Variants in PGAP3 observed in about 807,000 individuals in gnomAD.
The protein encoded by PGAP3 is post-GPI attachment to proteins phospholipase 3, also known as GPI-specific phospholipase A2-like PGAP3.
PGAP3 carries 31 observed loss-of-function variants against 40.3 expected under a neutral mutation model. The observed-to-expected ratio is 0.77, with a 90% CI of 0.58 to 1.04. PGAP3 has a LOEUF of 1.04. Among genes scored for constraint, PGAP3 ranks in the 50% least tolerant of loss-of-function variants. The pLI is 0.00. For missense variants in PGAP3, 413 were observed against 423.0 expected, an observed-to-expected ratio of 0.98 and a Z score of 0.21; for synonymous variants, 191 against 184.5, an observed-to-expected ratio of 1.04 and a Z score of -0.29.
At chr17:39,675,128 TGGGGTGTGTTCCAAGCAGCA>T in intron 3 of PGAP3, among the ~76,000 whole-genome samples, 1 of 149,978 alleles carries the variant, frequency 6.7e-6, no homozygotes, top group East Asian at 2.0e-4. Flanking sequence ...CGAGCCAGCT[TGGGGTGTGTTCCAAGCAGCA>T]GGGGAGGGAG....
intron 3 of PGAP3, among the ~76,000 whole-genome samples, chr17:39,679,793 C>T (rs2057417573): frequency 6.6e-6 from 1 of 152,210 alleles, no homozygotes; most frequent in Non-Finnish European, 1.5e-5. Flanking sequence ...TACTCTTCTA[C>T]TCCTATTCAC....
At chr17:39,687,213 T>C (rs1191641539) in intron 1 of PGAP3, among the ~76,000 whole-genome samples, 3 of 152,226 alleles carry the variant, frequency 2.0e-5, no homozygotes, top group East Asian at 1.9e-4. Context: ...CTGTGTGACC[T>C]TGGGCAGGGC....
chr17:39,684,595 A>G lies in PGAP3; in HGVS notation c.432+2T>C. The G allele has an allele frequency of 6.2e-7, 1 of 1,608,666 alleles. No individual in the cohort carries two copies. Among genetic ancestry groups the G allele is most frequent in the Non-Finnish European group, 8.5e-7 (1 of 1,177,554 alleles). Reference sequence around the variant, plus strand: ...CAGCAGGAGTCCTGCTAGGTTACCTACCCAGGCGAAGGCCACACAGGTGTG... The same window carrying G: ...CAGCAGGAGTCCTGCTAGGTTACCTGCCCAGGCGAAGGCCACACAGGTGTG... On this transcript the variant is annotated splice_donor_variant, in intron 3 of 7. Coordinates refer to ENST00000300658, the MANE Select transcript of PGAP3 (RefSeq NM_033419.5). LOFTEE classifies it high-confidence loss of function.
Position 39,687,901 on chromosome 17 carries a change from C to T in PGAP3, c.114G>A (p.Glu38=), listed in dbSNP as rs752032433. ...TCAGAGCGCCCCCAGAGCAGTTCTG[C>T]TCTTCGCACTGCAGTACGCAGTCGC... ...VYRDCVLQCE[E]QNCSGGALNH... is the part of the protein sequence containing the mutation. Residue 38 remains glutamate (E), a synonymous_variant, in exon 1 of 8, where the codon GAG becomes GAA. Coordinates refer to ENST00000300658, the MANE Select transcript of PGAP3 (RefSeq NM_033419.5). 5 of 1,513,590 alleles carry T rather than the reference C, an allele frequency of 3.3e-6. No individual in the cohort carries two copies. The highest frequency in any genetic ancestry group is 4.5e-6 in the Non-Finnish European group (5 of 1,121,002). 93.8% of individuals were successfully genotyped at this position (1,513,590 alleles called of 1,614,324 possible). A position where few individuals can be genotyped will look rare whatever the true frequency, so the allele number is the denominator to read the frequency against.
intron 3 of PGAP3, among the ~76,000 whole-genome samples, chr17:39,678,078 G>A (rs1342438221): frequency 6.6e-6 from 1 of 152,186 alleles, no homozygotes; most frequent in South Asian, 2.1e-4. Context: ...AGGTGGATGC[G>A]GATGGGAGAA....
chr17:39,684,471 G>T, intron 3 of PGAP3, 126 bp downstream of exon 3: 1 of 1,217,788 alleles, frequency 8.2e-7, no homozygotes, highest in Non-Finnish European at 1.1e-6. Flanking sequence ...CCCTGCAGCT[G>T]CAACTTTAGC....
At chr17:39,675,798 C>T (rs1206026190) in intron 3 of PGAP3, among the ~76,000 whole-genome samples, 1 of 152,146 alleles carries the variant, frequency 6.6e-6, no homozygotes, top group Non-Finnish European at 1.5e-5. Flanking sequence ...GCTGCACAGC[C>T]AGTCAGGTTC....
Position 39,685,916 on chromosome 17 carries a change from A to G in PGAP3, c.279+6T>C, listed in dbSNP as rs2057505519. 8 of 1,611,510 alleles carry G rather than the reference A, an allele frequency of 5.0e-6. No individual in the cohort carries two copies. Among genetic ancestry groups the G allele is most frequent in the South Asian group, 1.1e-5 (1 of 90,974 alleles). On this transcript the variant is annotated splice_donor_region_variant and intron_variant, in intron 2 of 7. Transcript: ENST00000300658. ...ACCATATGCCTACCCTGACCCTCCAACTCACCTTGCCATGGAACTGAGGCA... is the reference window on the plus strand; with the variant it reads ...ACCATATGCCTACCCTGACCCTCCAGCTCACCTTGCCATGGAACTGAGGCA...
intron 3 of PGAP3, among the ~76,000 whole-genome samples, chr17:39,675,155 G>A (rs1385023293): frequency 6.6e-6 from 1 of 151,968 alleles, no homozygotes; most frequent in Non-Finnish European, 1.5e-5. Context: ...AGCAGGGGAG[G>A]GAGATCAAGC....
intron 3 of PGAP3, among the ~76,000 whole-genome samples, chr17:39,677,282 T>A (rs2057386246): frequency 6.6e-6 from 1 of 152,156 alleles, no homozygotes; most frequent in Non-Finnish European, 1.5e-5. Flanking sequence ...GTTTCCTTCA[T>A]CAGGTCCAGT....
intron 3 of PGAP3, among the ~76,000 whole-genome samples, chr17:39,678,077 C>T (rs948990323): frequency 3.9e-5 from 6 of 152,250 alleles, no homozygotes; most frequent in Non-Finnish European, 7.4e-5. Flanking sequence ...GAGGTGGATG[C>T]GGATGGGAGA....
rs200598755 is a variant in PGAP3 at position 39,673,660 on chromosome 17, C to T, written c.558-10G>A. On this transcript the variant is annotated splice_polypyrimidine_tract_variant and intron_variant, in intron 5 of 7. Coordinates refer to ENST00000300658, the MANE Select transcript of PGAP3 (RefSeq NM_033419.5). Reference sequence around the variant, plus strand: ...CTGCAGCCCCACGGTCCTGCCCCACCGTCCAGGGTTGCTCAGAGGGCAGGT... The same window carrying T: ...CTGCAGCCCCACGGTCCTGCCCCACTGTCCAGGGTTGCTCAGAGGGCAGGT... The T allele has an allele frequency of 2.1e-4, 344 of 1,613,268 alleles. No homozygotes were observed. Among genetic ancestry groups the T allele is most frequent in the Non-Finnish European group, 2.8e-4 (326 of 1,179,674 alleles).
At chr17:39,686,468 G>C (rs373804622) in intron 1 of PGAP3, among the ~76,000 whole-genome samples, 2 of 151,696 alleles carry the variant, frequency 1.3e-5, no homozygotes, top group African/African-American at 4.8e-5. Context: ...GTTGGTCAGG[G>C]TGGTCTTGAA....
intron 3 of PGAP3, among the ~76,000 whole-genome samples, chr17:39,683,466 C>G (rs544623717): frequency 1.3e-5 from 2 of 152,328 alleles, no homozygotes; most frequent in South Asian, 4.1e-4. Context: ...TAGTTGTACT[C>G]TTACATTCAA....
At chr17:39,673,921 G>C in intron 5 of PGAP3, 72 bp downstream of exon 5, 5 of 1,534,110 alleles carry the variant, frequency 3.3e-6, no homozygotes, top group Non-Finnish European at 4.5e-6. Flanking sequence ...AAGGCCCCCA[G>C]GGGAAGGCTG....
chr17:39,683,196 C>T (rs980796271), intron 3 of PGAP3, among the ~76,000 whole-genome samples: 5 of 152,216 alleles, frequency 3.3e-5, no homozygotes, highest in African/African-American at 2.4e-5. Flanking sequence ...GTCCGCCCAG[C>T]TCACACCCAC....
In PGAP3 at chr17:39,686,010, C is replaced by T. The variant is rs929883652; in HGVS notation, c.191G>A (p.Cys64Tyr). Reference sequence around the variant, plus strand: ...ACACTCATACTTACAGTCGTCCCGACAGGTCCAGCCTGAAACAGACAAATG... The same window carrying T: ...ACACTCATACTTACAGTCGTCCCGATAGGTCCAGCCTGAAACAGACAAATG... ...PIYMSLAGWT[C>Y]RDDCKYECMW... Residue 64 changes from cysteine to tyrosine, a missense_variant, in exon 2 of 8, where the codon TGT becomes TAT. Cys to Tyr is a radical substitution (Grantham distance 194). Transcript: ENST00000300658. The T allele has an allele frequency of 6.2e-7, 1 of 1,612,512 alleles. No homozygotes were observed. The highest frequency in any genetic ancestry group is 8.5e-7 in the Non-Finnish European group (1 of 1,178,962).
At position 39,672,725 on chromosome 17, in the gene PGAP3, T is replaced by C; in HGVS notation, c.*78A>G. The C allele has an allele frequency of 7.2e-7, 1 of 1,387,038 alleles. No homozygotes were observed. Among genetic ancestry groups the C allele is most frequent in the Non-Finnish European group, 1.0e-6 (1 of 980,134 alleles). 85.9% of individuals were successfully genotyped at this position (1,387,038 alleles called of 1,614,324 possible). On this transcript the variant is annotated 3_prime_UTR_variant, in exon 8 of 8. Coordinates refer to ENST00000300658, the MANE Select transcript of PGAP3 (RefSeq NM_033419.5). Reference sequence around the variant, plus strand: ...TCAAGAAGTTGAAAAGAGAAAATCATCTCAAGGGTTGAGGGGAGAAGGGAG... The same window carrying C: ...TCAAGAAGTTGAAAAGAGAAAATCACCTCAAGGGTTGAGGGGAGAAGGGAG...
chr17:39,673,788 T>C, intron 5 of PGAP3, 138 bp from the exon 6 acceptor site: 1 of 1,320,954 alleles, frequency 7.6e-7, no homozygotes, highest in Non-Finnish European at 1.0e-6. Flanking sequence ...AGGCCACAGC[T>C]GGGCAGCAAG....
Sources: allele counts gnomAD v4.1 joint callset (sites outside exome capture counted in the v4.1 genomes callset), GRCh38; gene constraint gnomAD v4.1.1; transcripts MANE v1.5; gene names NCBI Gene and HGNC (gene_info 2026-07-23, HGNC 2026-07-21).